The following IFIH1 variants were observed in gnomAD, a reference collection of about 807,000 sequenced individuals.
IFIH1 encodes the protein interferon-induced helicase C domain-containing protein 1.
Under a neutral mutation model 107.4 loss-of-function variants are expected in IFIH1, and 125 were observed. The ratio of observed to expected loss-of-function variants is 1.16; its 90% confidence interval spans 1.01 to 1.35. The LOEUF is 1.35. IFIH1 is among the 40% of genes most tolerant of loss of function. The probability of loss-of-function intolerance (pLI) is 0.00; values close to 1 mark genes in which losing one functional copy is unlikely to be tolerated. For synonymous variants in IFIH1, 458 were observed against 413.2 expected, an observed-to-expected ratio of 1.11 and a Z score of -1.31; for missense variants, 1,333 against 1,213.7, an observed-to-expected ratio of 1.10 and a Z score of -1.46.
At chr2:162,276,969 A>C (rs778766449) in intron 10 of IFIH1, 23 bp from the exon 11 acceptor site, 2 of 1,561,424 alleles carry the variant, frequency 1.3e-6, no homozygotes, top group African/African-American at 1.4e-5. Flanking sequence ...ATTAGAGTTG[A>C]TATGTTAACA....
intron 11 of IFIH1, among the ~76,000 whole-genome samples, chr2:162,275,970 T>C (rs1026215631): frequency 6.6e-6 from 1 of 152,248 alleles, no homozygotes; most frequent in Admixed American, 6.5e-5. Flanking sequence ...TCATTCTATG[T>C]AAATATATTT....
At chr2:162,293,765 A>G (rs1421733767) in intron 3 of IFIH1, 97 bp from the exon 4 acceptor site, 2 of 674,358 alleles carry the variant, frequency 3.0e-6, no homozygotes, top group South Asian at 2.2e-5. Context: ...ATACAGTTCA[A>G]TTCAAGTGGG....
At chr2:162,307,281 T>C (rs12478709) in intron 2 of IFIH1, 20,559 of 153,148 alleles carry the variant, frequency 0.13, 3,466 homozygotes, top group African/African-American at 0.37. Context: ...CTGACCGTCA[T>C]GTTTAGGAAG....
intron 6 of IFIH1, 60 bp from the exon 7 acceptor site, chr2:162,281,605 G>T: frequency 8.0e-7 from 1 of 1,257,642 alleles, no homozygotes. Flanking sequence ...TGAGAAAATA[G>T]CTTTAGACCA....
chr2:162,310,603 T>C, intron 2 of IFIH1, 162 bp downstream of exon 2: 1 of 602,330 alleles, frequency 1.7e-6, no homozygotes, highest in Non-Finnish European at 2.9e-6. Flanking sequence ...ATCAATTTCC[T>C]CATTTGTTAA....
rs750505690 is a variant in IFIH1 at position 162,317,807 on chromosome 2, T to C, written c.453+48A>G. ...GGGGCAAACGCACAAGGAAGCCTGCTTTGCAAAATCTGCCTAAAAGGCTAG... is the reference window on the plus strand; with the variant it reads ...GGGGCAAACGCACAAGGAAGCCTGCCTTGCAAAATCTGCCTAAAAGGCTAG... On this transcript the variant is annotated intron_variant, in intron 1 of 15. Coordinates refer to ENST00000649979, the MANE Select transcript of IFIH1 (RefSeq NM_022168.4). The C allele has an allele frequency of 2.7e-6, 4 of 1,474,608 alleles. No individual in the cohort carries two copies. In the South Asian group the frequency reaches 5.4e-5, roughly 20 times the overall value. 91.3% of individuals were successfully genotyped at this position (1,474,608 alleles called of 1,614,324 possible). A position where few individuals can be genotyped will look rare whatever the true frequency, so the allele number is the denominator to read the frequency against.
At chr2:162,309,205 C>T (rs10203640) in intron 2 of IFIH1, among the ~76,000 whole-genome samples, 20,734 of 152,166 alleles carry the variant, frequency 0.14, 3,331 homozygotes, top group African/African-American at 0.36. Context: ...TCCAGGTCCA[C>T]GGAATGGCAG....
At chr2:162,277,845 T>C (rs1477370529) in intron 9 of IFIH1, 152 bp from the exon 10 acceptor site, 7 of 943,924 alleles carry the variant, frequency 7.4e-6, no homozygotes, top group Non-Finnish European at 1.1e-5. Context: ...TCCTGAGCTC[T>C]GAAACAGGGC....
intron 4 of IFIH1, among the ~76,000 whole-genome samples, chr2:162,289,312 T>C (rs1682954157): frequency 6.6e-6 from 1 of 151,582 alleles, no homozygotes. Context: ...AATAAAATTA[T>C]TATAATATGT....
chr2:162,277,759 A>T, intron 9 of IFIH1, 66 bp from the exon 10 acceptor site: 1 of 1,512,558 alleles, frequency 6.6e-7, no homozygotes, highest in Non-Finnish European at 8.8e-7. Context: ...TGTGCCATGG[A>T]CTTGAATATA....
intron 1 of IFIH1, among the ~76,000 whole-genome samples, chr2:162,315,172 A>C (rs1344021128): frequency 2.0e-5 from 3 of 152,226 alleles, no homozygotes; most frequent in Non-Finnish European, 4.4e-5. Flanking sequence ...TTAAGCCTTC[A>C]AAAAAGCAAA....
In IFIH1 at chr2:162,307,578, C is replaced by T. The variant is rs915446448; in HGVS notation, c.623-723G>A. Among the ~76,000 whole-genome samples, 4 of 152,090 alleles carry T rather than the reference C, an allele frequency of 2.6e-5. No homozygotes were observed. The East Asian group carries it at 7.7e-4, about 29-fold the overall frequency. On this transcript the variant is annotated intron_variant, in intron 2 of 15. Transcript: ENST00000649979. ...CATGTAATGGGTATTTTATTAAGGGCTTATGTGGGTTAAAAAGAAAATCAA... is the reference window on the plus strand; with the variant it reads ...CATGTAATGGGTATTTTATTAAGGGTTTATGTGGGTTAAAAAGAAAATCAA...
intron 3 of IFIH1, 60 bp downstream of exon 3, chr2:162,306,649 C>T: frequency 7.2e-7 from 1 of 1,395,072 alleles, no homozygotes; most frequent in African/African-American, 1.4e-5. Flanking sequence ...TAGGTTCTGC[C>T]CAGTTGGTTT....
In IFIH1 at chr2:162,267,388, CAAAA is replaced by C; in HGVS notation, c.2899-13_2899-10del. The C allele has an allele frequency of 1.2e-6, 2 of 1,613,796 alleles. No individual in the cohort carries two copies. Among genetic ancestry groups the C allele is most frequent in the Non-Finnish European group, 1.7e-6 (2 of 1,179,914 alleles). On this transcript the variant is annotated splice_polypyrimidine_tract_variant and intron_variant, in intron 15 of 15. Coordinates refer to ENST00000649979, the MANE Select transcript of IFIH1 (RefSeq NM_022168.4). ...ATCATTGTTCCCCAAGCCTGGAAAACAAAAGAGAGAGCAAGAGGAAAATTAAATG... is the reference window on the plus strand; with the variant it reads ...ATCATTGTTCCCCAAGCCTGGAAAACGAGAGAGCAAGAGGAAAATTAAATG...
chr2:162,276,864 C>T lies in IFIH1; in HGVS notation c.2127G>A (p.Met709Ile), dbSNP rs1682678762. ...ATTCCTCAGTCCTAGTATATTGCTC[C>T]ATTATGGTATTTCTTAATTTGGTCA... is the stretch of plus-strand genomic sequence containing the variant. Reference protein sequence around the residue: ...EKLTKLRNTIMEQYTRTEESA... With the variant: ...EKLTKLRNTIIEQYTRTEESA... The change falls in exon 11 of 16, where the codon ATG becomes ATA. Residue 709 changes from methionine (M) to isoleucine (I), a missense_variant. Physicochemically the swap from Met to Ile is conservative, Grantham distance 10. Transcript: ENST00000649979. 6.2e-7 allele frequency: 1 copy of T among 1,613,510 alleles called. No homozygotes were observed. Among genetic ancestry groups the T allele is most frequent in the Non-Finnish European group, 8.5e-7 (1 of 1,179,670 alleles).
chr2:162,284,630 G>A (rs930784993), intron 5 of IFIH1, among the ~76,000 whole-genome samples: 2 of 151,870 alleles, frequency 1.3e-5, no homozygotes, highest in African/African-American at 2.4e-5. Flanking sequence ...TTAAAGTCTT[G>A]AAACTTCAGT....
At chr2:162,299,401 G>C (rs1245096264) in intron 3 of IFIH1, among the ~76,000 whole-genome samples, 1 of 152,202 alleles carries the variant, frequency 6.6e-6, no homozygotes, top group Non-Finnish European at 1.5e-5. Context: ...TGAAAGAATG[G>C]AGGGAGATAC....
At position 162,306,871 on chromosome 2, in the gene IFIH1, T is replaced by C. The variant is rs2105226933; in HGVS notation, c.623-16A>G. The C allele has an allele frequency of 3.1e-6, 5 of 1,612,080 alleles. No individual in the cohort carries two copies. Among genetic ancestry groups the C allele is most frequent in the Non-Finnish European group, 4.2e-6 (5 of 1,178,526 alleles). On this transcript the variant is annotated splice_polypyrimidine_tract_variant and intron_variant, in intron 2 of 15. Coordinates refer to ENST00000649979, the MANE Select transcript of IFIH1 (RefSeq NM_022168.4). ...TTCTCAATCTCTGTGAATAACAGTA[T>C]TAGAATGCAAATCATAGTGCCATAC...
chr2:162,297,195 C>T (rs1358144304), intron 3 of IFIH1, among the ~76,000 whole-genome samples: 4 of 152,050 alleles, frequency 2.6e-5, no homozygotes, highest in African/African-American at 4.8e-5. Context: ...AAAGTGTTTG[C>T]GTGAAGCCAA....
Sources: gnomAD v4.1 joint callset for allele counts (sites outside exome capture counted in the v4.1 genomes callset) on GRCh38, gnomAD v4.1.1 for gene constraint, MANE v1.5 for transcripts, NCBI Gene and HGNC (gene_info 2026-07-23, HGNC 2026-07-21) for gene names.